The following PEMT variants were observed in gnomAD, a reference collection of about 807,000 sequenced individuals.
PEMT encodes phosphatidylethanolamine N-methyltransferase, also known as phospholipid methyltransferase.
In PEMT, 23 loss-of-function variants were observed where a neutral mutation model predicts 27.4. That is an observed-to-expected ratio of 0.84 (90% CI 0.60 to 1.19). PEMT has a LOEUF of 1.19. PEMT is among the 50% of genes most tolerant of loss of function. PEMT has a pLI of 0.00. For missense variants in PEMT, 307 were observed against 310.1 expected (o/e 0.99, Z 0.07); for synonymous variants, 137 against 139.1 (o/e 0.98, Z 0.11).
intron 2 of PEMT, among the ~76,000 whole-genome samples, chr17:17,522,998 G>GT (rs1012624848): frequency 5.9e-5 from 9 of 152,050 alleles, no homozygotes; most frequent in East Asian, 3.9e-4. Flanking sequence ...CTTTTACTTT[G>GT]TTTTTTTTCA....
chr17:17,507,084 G>A (rs577038088), intron 5 of PEMT: 26 of 1,320,176 alleles, frequency 2.0e-5, no homozygotes, highest in Middle Eastern at 3.6e-4. Context: ...CGTCAGTGAC[G>A]GCACCAAGGA....
In PEMT at chr17:17,528,770, C is replaced by T. The variant is rs576557600; in HGVS notation, c.205-6375G>A. 1.2e-4 allele frequency among the ~76,000 whole-genome samples: 19 copies of T among 152,314 alleles called. No homozygotes were observed. In the South Asian group the frequency reaches 3.7e-3, roughly 30 times the overall value. On this transcript the variant is annotated intron_variant, in intron 2 of 6. Coordinates refer to ENST00000255389, the MANE Select transcript of PEMT (RefSeq NM_148172.3). ...TTCTGAACAGAAACTCAGGGCTCCA[C>T]TGGCATCAGGAGGTGGGATTCAGGA...
chr17:17,587,159 T>G (rs1243813734), intron 1 of PEMT, among the ~76,000 whole-genome samples: 1 of 151,892 alleles, frequency 6.6e-6, no homozygotes, highest in African/African-American at 2.4e-5. Flanking sequence ...GGGGAAAATT[T>G]ATTTTCCCAA....
chr17:17,580,637 T>G (rs1353630870), intron 1 of PEMT, among the ~76,000 whole-genome samples: 1 of 152,168 alleles, frequency 6.6e-6, no homozygotes, highest in East Asian at 1.9e-4. Flanking sequence ...TCCCTGCATG[T>G]GCACAGCAGA....
chr17:17,549,805 C>T (rs1221308770), intron 2 of PEMT, among the ~76,000 whole-genome samples: 2 of 152,210 alleles, frequency 1.3e-5, no homozygotes, highest in African/African-American at 2.4e-5. Flanking sequence ...GCTTTTCAGG[C>T]GGGTCTGGGG....
At chr17:17,583,383 T>C (rs905526310) in intron 1 of PEMT, among the ~76,000 whole-genome samples, 1 of 152,132 alleles carries the variant, frequency 6.6e-6, no homozygotes, top group African/African-American at 2.4e-5. Context: ...TCTCAAAAAA[T>C]AAAATAAAAT....
chr17:17,521,797 C>T (rs1258694699), intron 3 of PEMT, among the ~76,000 whole-genome samples: 8 of 152,138 alleles, frequency 5.3e-5, no homozygotes, highest in Non-Finnish European at 8.8e-5. Context: ...GAACTCCTAA[C>T]CTCAGGTGAT....
At chr17:17,508,718 G>C (rs4646407) in intron 5 of PEMT, 374,688 of 457,316 alleles carry the variant, frequency 0.82, 155,801 homozygotes, top group African/African-American at 0.96. Context: ...CCTCTGACCC[G>C]CCGGGGGAGC....
chr17:17,580,552 G>A (rs542831147), intron 1 of PEMT, among the ~76,000 whole-genome samples: 12 of 152,280 alleles, frequency 7.9e-5, no homozygotes, highest in African/African-American at 2.6e-4. Flanking sequence ...GGGGGAGGGT[G>A]GAAAGCTGGC....
chr17:17,590,960 G>A (rs1912554046), intron 1 of PEMT, among the ~76,000 whole-genome samples: 1 of 152,278 alleles, frequency 6.6e-6, no homozygotes, highest in South Asian at 2.1e-4. Flanking sequence ...AAACGGCTGG[G>A]TGGTGGTCTG....
chr17:17,575,511 G>A (rs1204255134), intron 2 of PEMT, among the ~76,000 whole-genome samples: 1 of 152,258 alleles, frequency 6.6e-6, no homozygotes, highest in African/African-American at 2.4e-5. Flanking sequence ...TGAAAGGAGA[G>A]AGGAAGCATG....
At chr17:17,588,901 G>C (rs545609329) in intron 1 of PEMT, among the ~76,000 whole-genome samples, 5 of 152,362 alleles carry the variant, frequency 3.3e-5, no homozygotes, top group Non-Finnish European at 7.3e-5. Context: ...CTTAGTCAGT[G>C]GGGCTGCAGC....
chr17:17,589,388 G>A (rs1254547902), intron 1 of PEMT, among the ~76,000 whole-genome samples: 1 of 152,050 alleles, frequency 6.6e-6, no homozygotes, highest in Non-Finnish European at 1.5e-5. Context: ...GTATGACATG[G>A]CAGCCACTGG....
chr17:17,554,204 T>A (rs4646377), intron 2 of PEMT, among the ~76,000 whole-genome samples: 21 of 152,310 alleles, frequency 1.4e-4, no homozygotes, highest in East Asian at 9.7e-4. Flanking sequence ...TGGTTTTCAG[T>A]ACAAAGAAGA....
intron 3 of PEMT, among the ~76,000 whole-genome samples, chr17:17,514,508 T>C (rs1171442133): frequency 6.6e-6 from 1 of 152,172 alleles, no homozygotes; most frequent in Non-Finnish European, 1.5e-5. Context: ...CACACCGACC[T>C]GTTAAACAGC....
rs1912037732 is a variant in PEMT, at chr17:17,582,627, G to GC, written c.97-5601dup. Among the ~76,000 whole-genome samples, 2 of 152,348 alleles carry GC rather than the reference G, an allele frequency of 1.3e-5. No homozygotes were observed. The highest frequency in any genetic ancestry group is 3.9e-4 in the East Asian group (2 of 5,190). ...TGCAGAATCTGCCTGCAGCGCTGCA[G>GC]CCCCCACTGCCCCCAGAGCTGCCCT... is the stretch of plus-strand genomic sequence containing the variant. On this transcript the variant is annotated intron_variant, in intron 1 of 6. Transcript: ENST00000255389. The surrounding 1 kb of genome is among the most constrained non-coding windows in gnomAD (Gnocchi z 4.9).
At chr17:17,556,007 C>T (rs901185176) in intron 2 of PEMT, among the ~76,000 whole-genome samples, 7 of 152,268 alleles carry the variant, frequency 4.6e-5, no homozygotes, top group African/African-American at 1.7e-4. Flanking sequence ...AAGTGCTGCG[C>T]ACTGTGCCGG....
chr17:17,537,034 A>T (rs1176600380), intron 2 of PEMT, among the ~76,000 whole-genome samples: 2 of 152,196 alleles, frequency 1.3e-5, no homozygotes, highest in African/African-American at 4.8e-5. Context: ...CACGGGAGGG[A>T]CAGGGTGTCT....
intron 2 of PEMT, among the ~76,000 whole-genome samples, chr17:17,527,781 C>T: frequency 6.6e-6 from 1 of 152,176 alleles, no homozygotes; most frequent in East Asian, 1.9e-4. Flanking sequence ...GAAGCAGTGT[C>T]CCCAGGGAGA....
Sources: allele counts gnomAD v4.1 joint callset (sites outside exome capture counted in the v4.1 genomes callset), GRCh38; gene constraint gnomAD v4.1.1; non-coding constraint Gnocchi (gnomAD v3.1); transcripts MANE v1.5; gene names NCBI Gene and HGNC (gene_info 2026-07-23, HGNC 2026-07-21).